DPP6: variants seen among roughly 807,000 people sequenced by gnomAD.
DPP6 encodes A-type potassium channel modulatory protein DPP6.
A neutral mutation model predicts 122.6 loss-of-function variants in DPP6; 69 were observed. The observed-to-expected ratio is 0.56, with a 90% CI of 0.46 to 0.69. The LOEUF is 0.69. Ranked by LOEUF, DPP6 falls within the 30% of genes least tolerant of loss-of-function variation. The probability of loss-of-function intolerance (pLI) is 0.00; values close to 1 mark genes in which losing one functional copy is unlikely to be tolerated. For missense variants in DPP6, 928 were observed against 1,116.9 expected, an observed-to-expected ratio of 0.83 and a Z score of 2.41; for synonymous variants, 418 against 433.1, an observed-to-expected ratio of 0.97 and a Z score of 0.43.
At chr7:154,704,960 C>G (rs184673723) in intron 7 of DPP6, among the ~76,000 whole-genome samples, 1 of 152,254 alleles carries the variant, frequency 6.6e-6, no homozygotes, top group East Asian at 1.9e-4. Flanking sequence ...GGGTCTCAAA[C>G]TCCTCAAGCA....
In DPP6 at chr7:154,889,252, C is replaced by T; in HGVS notation, c.2305-20C>T. Reference sequence around the variant, plus strand: ...GCAGTGCAGCCCCCTAACTCTGTCCCCTTGCCCCCGCATGTGCAGATGACC... The same window carrying T: ...GCAGTGCAGCCCCCTAACTCTGTCCTCTTGCCCCCGCATGTGCAGATGACC... On this transcript the variant is annotated intron_variant, in intron 23 of 25. Transcript: ENST00000377770. The T allele has an allele frequency of 6.2e-7, 1 of 1,610,674 alleles. No homozygotes were observed. The highest frequency in any genetic ancestry group is 8.5e-7 in the Non-Finnish European group (1 of 1,178,746).
At chr7:153,901,767 A>G (rs1799648481) in intron 1 of DPP6, among the ~76,000 whole-genome samples, 1 of 152,356 alleles carries the variant, frequency 6.6e-6, no homozygotes, top group Non-Finnish European at 1.5e-5. Context: ...GACTCTTTAC[A>G]GACAGCTTTA....
intron 3 of DPP6, among the ~76,000 whole-genome samples, chr7:154,518,262 C>A (rs1015288959): frequency 6.6e-6 from 1 of 152,062 alleles, no homozygotes; most frequent in Non-Finnish European, 1.5e-5. Context: ...AAATTAGAAC[C>A]TTTGTCGATG....
intron 1 of DPP6, among the ~76,000 whole-genome samples, chr7:154,224,234 A>T (rs542271413): frequency 2.0e-5 from 3 of 149,124 alleles, no homozygotes; most frequent in Admixed American, 6.6e-5. Context: ...GAGCCAGGAG[A>T]ATAGCTTCAA....
At chr7:154,767,057 C>T (rs1035698126) in intron 8 of DPP6, among the ~76,000 whole-genome samples, 4 of 152,104 alleles carry the variant, frequency 2.6e-5, no homozygotes, top group Non-Finnish European at 5.9e-5. Context: ...GTTGTCTCTT[C>T]GGGGGTTTTG....
chr7:154,527,065 T>C (rs1449767540), intron 3 of DPP6, among the ~76,000 whole-genome samples: 1 of 152,256 alleles, frequency 6.6e-6, no homozygotes, highest in African/African-American at 2.4e-5. Flanking sequence ...GCATGATGTT[T>C]TTAAAACTTC....
chr7:154,199,654 G>A (rs1230657782), intron 1 of DPP6, among the ~76,000 whole-genome samples: 3 of 150,804 alleles, frequency 2.0e-5, no homozygotes, highest in African/African-American at 7.3e-5. Context: ...CAGTCACCAA[G>A]GCTAGAGTGC....
chr7:153,750,078 A>C, the DPP6 span, among the ~76,000 whole-genome samples: 1 of 152,184 alleles, frequency 6.6e-6, no homozygotes, highest in African/African-American at 2.4e-5. Context: ...AACTCCAAAC[A>C]CTATCTACTT....
At chr7:154,636,727 G>A (rs1835749097) in intron 5 of DPP6, among the ~76,000 whole-genome samples, 1 of 152,200 alleles carries the variant, frequency 6.6e-6, no homozygotes. Context: ...ATTCAGTGGT[G>A]CAGGCTAGGT....
the DPP6 span, among the ~76,000 whole-genome samples, chr7:153,798,003 A>C: frequency 6.6e-6 from 1 of 152,072 alleles, no homozygotes; most frequent in African/African-American, 2.4e-5. Context: ...CACCATGCCC[A>C]GCTAATTTTT....
intron 1 of DPP6, among the ~76,000 whole-genome samples, chr7:154,193,770 T>C (rs1331831738): frequency 6.6e-6 from 1 of 151,904 alleles, no homozygotes; most frequent in Non-Finnish European, 1.5e-5. Flanking sequence ...AGTAGCATTA[T>C]CAAGTTCAAG....
Position 154,604,763 on chromosome 7 carries a change from A to G in DPP6, c.628-33058A>G, listed in dbSNP as rs183597607. Reference sequence around the variant, plus strand: ...GAATCTTGTATATAGTGAAGTTACCATTTTCTTGCTAAGTTCAAATGGTTG... The same window carrying G: ...GAATCTTGTATATAGTGAAGTTACCGTTTTCTTGCTAAGTTCAAATGGTTG... On this transcript the variant is annotated intron_variant, in intron 5 of 25. Transcript: ENST00000377770. Among the ~76,000 whole-genome samples the G allele has an allele frequency of 9.0e-4, 109 of 120,664 alleles. 18 individuals carry two copies. Among genetic ancestry groups the G allele is most frequent in the African/African-American group, 2.8e-3 (106 of 38,086 alleles). 79.2% of individuals were successfully genotyped at this position (120,664 alleles called of 152,430 possible). A position where few individuals can be genotyped will look rare whatever the true frequency, so the allele number is the denominator to read the frequency against.
intron 1 of DPP6, among the ~76,000 whole-genome samples, chr7:153,896,724 G>T (rs1052240540): frequency 4.6e-5 from 7 of 152,198 alleles, no homozygotes; most frequent in African/African-American, 1.7e-4. Context: ...GAGGCAGGAG[G>T]ATCTTTTGAG....
At chr7:154,206,321 C>T (rs1051926903) in intron 1 of DPP6, among the ~76,000 whole-genome samples, 4 of 152,252 alleles carry the variant, frequency 2.6e-5, no homozygotes, top group African/African-American at 9.6e-5. Flanking sequence ...TAGCAACCTC[C>T]TCTGGCATCT....
At chr7:154,662,689 C>G (rs1331818663) in intron 6 of DPP6, among the ~76,000 whole-genome samples, 2 of 101,224 alleles carry the variant, frequency 2.0e-5, no homozygotes, top group African/African-American at 7.3e-5. Context: ...GCGTATTGGG[C>G]GTAGTGTTCA....
At chr7:154,314,152 C>T (rs543946660) in intron 1 of DPP6, among the ~76,000 whole-genome samples, 1 of 152,152 alleles carries the variant, frequency 6.6e-6, no homozygotes, top group East Asian at 1.9e-4. Context: ...CATGGATGCC[C>T]CTGACTTCTG....
At chr7:154,592,227 C>T (rs547768917) in intron 5 of DPP6, among the ~76,000 whole-genome samples, 1 of 152,274 alleles carries the variant, frequency 6.6e-6, no homozygotes, top group African/African-American at 2.4e-5. Flanking sequence ...CTTGACTGGT[C>T]CACATGTCCT....
At chr7:154,085,000 A>AC (rs1804290605) in intron 1 of DPP6, among the ~76,000 whole-genome samples, 1 of 151,516 alleles carries the variant, frequency 6.6e-6, no homozygotes, top group African/African-American at 2.4e-5. Context: ...AAAAAAAAAA[A>AC]AAAAAAAAAA....
the DPP6 span, among the ~76,000 whole-genome samples, chr7:153,808,155 A>T: frequency 6.6e-6 from 1 of 152,164 alleles, no homozygotes; most frequent in Non-Finnish European, 1.5e-5. Context: ...GATCAAGCTA[A>T]GGGACATACC....
Sources: allele counts gnomAD v4.1 joint callset (sites outside exome capture counted in the v4.1 genomes callset), GRCh38; gene constraint gnomAD v4.1.1; transcripts MANE v1.5; gene names NCBI Gene and HGNC (gene_info 2026-07-23, HGNC 2026-07-21).